The following FNDC3B variants were observed in gnomAD, a reference collection of about 807,000 sequenced individuals.
FNDC3B encodes the protein fibronectin type III domain-containing protein 3B.
Under a neutral mutation model 151.5 loss-of-function variants are expected in FNDC3B, and 12 were observed. The observed-to-expected ratio is 0.08, with a 90% CI of 0.05 to 0.13. The LOEUF is 0.13. Ranked by LOEUF, FNDC3B falls within the 10% of genes least tolerant of loss-of-function variation. The pLI is 1.00. For synonymous variants in FNDC3B, 528 were observed against 549.0 expected (o/e 0.96, Z 0.54); for missense variants, 1,214 against 1,505.3 (o/e 0.81, Z 3.20).
intron 23 of FNDC3B, among the ~76,000 whole-genome samples, chr3:172,370,458 G>A (rs1383878359): frequency 6.6e-6 from 1 of 152,142 alleles, no homozygotes; most frequent in African/African-American, 2.4e-5. Context: ...TCTTCCCCAA[G>A]AATTTCTGGA....
At chr3:172,369,470 T>G (rs1013192647) in intron 23 of FNDC3B, among the ~76,000 whole-genome samples, 20 of 99,088 alleles carry the variant, frequency 2.0e-4, no homozygotes, top group South Asian at 3.4e-4. Flanking sequence ...GAAAAAAAAG[T>G]TTTTTTTTGT....
rs142850126 is a variant in FNDC3B, at chr3:172,391,291, C to A, written c.3304-5873C>A. On this transcript the variant is annotated intron_variant, in intron 25 of 25. Transcript: ENST00000415807. ...TCCTTTTGCAGAGCATTTTCCACAT[C>A]CATTTTCTTGACTGATCCTCAACCT... 7.3e-4 allele frequency among the ~76,000 whole-genome samples: 111 copies of A among 152,292 alleles called. No individual in the cohort carries two copies. The East Asian group carries it at 0.015, about 20-fold the overall frequency.
chr3:172,092,757 G>A (rs900636608), intron 1 of FNDC3B, among the ~76,000 whole-genome samples: 3 of 152,224 alleles, frequency 2.0e-5, no homozygotes, highest in Admixed American at 6.5e-5. Context: ...CCAGTATCAG[G>A]ACACTGTTCA....
intron 3 of FNDC3B, among the ~76,000 whole-genome samples, chr3:172,171,970 G>A (rs1215945253): frequency 6.6e-6 from 1 of 152,114 alleles, no homozygotes; most frequent in African/African-American, 2.4e-5. Context: ...GTATGCTGTG[G>A]TTGACTAGAG....
chr3:172,137,270 A>G (rs919901800), intron 3 of FNDC3B, among the ~76,000 whole-genome samples: 1 of 152,190 alleles, frequency 6.6e-6, no homozygotes, highest in African/African-American at 2.4e-5. Flanking sequence ...TGATAATTTT[A>G]TCTGTAGGAC....
intron 2 of FNDC3B, among the ~76,000 whole-genome samples, chr3:172,125,647 T>G (rs1012615276): frequency 1.3e-5 from 2 of 152,326 alleles, no homozygotes; most frequent in Middle Eastern, 3.4e-3. Flanking sequence ...TTGTAAGATT[T>G]GAACACATTA....
At chr3:172,205,808 CAGAA>C (rs1234004885) in intron 3 of FNDC3B, among the ~76,000 whole-genome samples, 29 of 152,138 alleles carry the variant, frequency 1.9e-4, no homozygotes, top group Non-Finnish European at 3.5e-4. Context: ...GTTTTTGTCA[CAGAA>C]AGAAGTTCCA....
At chr3:172,297,538 T>G (rs1307839177) in intron 8 of FNDC3B, among the ~76,000 whole-genome samples, 2 of 151,986 alleles carry the variant, frequency 1.3e-5, no homozygotes, top group South Asian at 2.1e-4. Context: ...GCAGTGGCAC[T>G]ATCTTGGCTC....
At chr3:172,295,265 A>G in intron 7 of FNDC3B, 98 bp from the exon 8 acceptor site, 3 of 1,118,786 alleles carry the variant, frequency 2.7e-6, no homozygotes, top group South Asian at 1.5e-5. Flanking sequence ...AAACTAGTTT[A>G]CCTTGGATTA....
intron 16 of FNDC3B, among the ~76,000 whole-genome samples, chr3:172,339,405 A>G (rs891921646): frequency 5.3e-5 from 8 of 152,054 alleles, no homozygotes; most frequent in African/African-American, 1.9e-4. Flanking sequence ...GCTAGAAAAA[A>G]TACAAAAATT....
At chr3:172,368,284 A>G (rs1734726624) in intron 23 of FNDC3B, among the ~76,000 whole-genome samples, 1 of 151,944 alleles carries the variant, frequency 6.6e-6, no homozygotes, top group Non-Finnish European at 1.5e-5. Flanking sequence ...AAAAAAAAAA[A>G]AAAAAAAGTC....
chr3:172,273,079 T>G (rs551223082), intron 6 of FNDC3B, among the ~76,000 whole-genome samples: 4 of 152,366 alleles, frequency 2.6e-5, no homozygotes, highest in East Asian at 3.9e-4. Context: ...AATAGGTTCC[T>G]CATTTAGATG....
At chr3:172,244,540 C>T (rs2108766524) in intron 4 of FNDC3B, among the ~76,000 whole-genome samples, 1 of 149,030 alleles carries the variant, frequency 6.7e-6, no homozygotes, top group African/African-American at 2.5e-5. Flanking sequence ...AAATATGTTG[C>T]AATTTATGTT....
chr3:172,309,390 A>C (rs1731351564), intron 10 of FNDC3B, among the ~76,000 whole-genome samples: 1 of 152,224 alleles, frequency 6.6e-6, no homozygotes, highest in African/African-American at 2.4e-5. Context: ...TCAAGGAATT[A>C]AGGGACTAGT....
At chr3:172,121,094 C>G (rs1250577162) in intron 2 of FNDC3B, among the ~76,000 whole-genome samples, 1 of 152,212 alleles carries the variant, frequency 6.6e-6, no homozygotes, top group Non-Finnish European at 1.5e-5. Flanking sequence ...GGTGCCTACT[C>G]TGTCCACTTC....
At chr3:172,232,382 A>G (rs1280645824) in intron 4 of FNDC3B, among the ~76,000 whole-genome samples, 2 of 152,362 alleles carry the variant, frequency 1.3e-5, no homozygotes, top group East Asian at 3.9e-4. Context: ...ATAAGCAGAT[A>G]ATAAACTCCT....
In FNDC3B at chr3:172,146,929, C is replaced by T. The variant is rs114352532; in HGVS notation, c.187+13383C>T. On this transcript the variant is annotated intron_variant, in intron 3 of 25. Coordinates refer to ENST00000415807, the MANE Select transcript of FNDC3B (RefSeq NM_022763.4). ...AACACAATAGTTCACGTATGTTTAACGAAATTCAAAGTTCACCTATGTTTA... is the reference window on the plus strand; with the variant it reads ...AACACAATAGTTCACGTATGTTTAATGAAATTCAAAGTTCACCTATGTTTA... 5.6e-3 allele frequency among the ~76,000 whole-genome samples: 853 copies of T among 152,200 alleles called. 7 individuals are homozygous for T. Among genetic ancestry groups the T allele is most frequent in the African/African-American group, 0.019 (768 of 41,512 alleles).
At chr3:172,095,873 T>C (rs926970860) in intron 1 of FNDC3B, among the ~76,000 whole-genome samples, 8 of 151,984 alleles carry the variant, frequency 5.3e-5, no homozygotes, top group African/African-American at 1.7e-4. Context: ...TAACCTGTTA[T>C]TTCCCCCTAC....
chr3:172,131,135 G>A (rs1023812194), intron 2 of FNDC3B, among the ~76,000 whole-genome samples: 8 of 152,132 alleles, frequency 5.3e-5, no homozygotes, highest in African/African-American at 1.2e-4. Flanking sequence ...AGTGGCTCAC[G>A]CCTGTAATCC....
Sources: gnomAD v4.1 joint callset for allele counts (sites outside exome capture counted in the v4.1 genomes callset) on GRCh38, gnomAD v4.1.1 for gene constraint, MANE v1.5 for transcripts, NCBI Gene and HGNC (gene_info 2026-07-23, HGNC 2026-07-21) for gene names.